Variants in HHAT observed in about 807,000 individuals in gnomAD.
HHAT encodes the protein hedgehog acyltransferase, also known as protein-cysteine N-palmitoyltransferase HHAT.
HHAT carries 47 observed loss-of-function variants against 70.8 expected under a neutral mutation model. The ratio of observed to expected loss-of-function variants is 0.66; its 90% CI spans 0.53 to 0.85. The LOEUF is 0.85. Among genes scored for constraint, HHAT ranks in the 40% least tolerant of loss-of-function variants. The pLI is 0.00. For missense variants in HHAT, 609 were observed against 604.8 expected, an observed-to-expected ratio of 1.01 and a Z score of -0.07; for synonymous variants, 228 against 247.6, an observed-to-expected ratio of 0.92 and a Z score of 0.74.
intron 11 of HHAT, among the ~76,000 whole-genome samples, chr1:210,644,231 C>T (rs990968364): frequency 6.6e-6 from 1 of 152,214 alleles, no homozygotes; most frequent in African/African-American, 2.4e-5. Flanking sequence ...AAGAGTTCAG[C>T]ATTTCTCAAA....
chr1:210,586,876 A>G (rs1426928844), intron 9 of HHAT, among the ~76,000 whole-genome samples: 1 of 152,214 alleles, frequency 6.6e-6, no homozygotes, highest in Non-Finnish European at 1.5e-5. Flanking sequence ...TACTGTCTCT[A>G]CGTACTCAGG....
chr1:210,552,360 CT>C (rs2095534782), intron 9 of HHAT, among the ~76,000 whole-genome samples: 1 of 152,186 alleles, frequency 6.6e-6, no homozygotes, highest in African/African-American at 2.4e-5. Flanking sequence ...GATTTGTGTC[CT>C]TCTGAGATGC....
rs75851117 is a variant in HHAT, at chr1:210,520,909, T to G, written c.1043+7721T>G. ...GAGTTCATCAGAGCCACTACTTTTG[T>G]CCTAAGGAGAATGTCTTGATATCCT... On this transcript the variant is annotated intron_variant, in intron 9 of 11. Transcript: ENST00000261458. Among the ~76,000 whole-genome samples the G allele has an allele frequency of 7.7e-3, 1,175 of 152,338 alleles. 15 individuals are homozygous for G. Among genetic ancestry groups the G allele is most frequent in the African/African-American group, 0.027 (1,114 of 41,578 alleles).
intron 8 of HHAT, among the ~76,000 whole-genome samples, chr1:210,494,768 G>T (rs897296289): frequency 6.6e-6 from 1 of 151,962 alleles, no homozygotes; most frequent in African/African-American, 2.4e-5. Flanking sequence ...GGCCAGGCTG[G>T]TCTCAAACTC....
chr1:210,502,903 C>T (rs1289640610), intron 8 of HHAT, among the ~76,000 whole-genome samples: 1 of 151,840 alleles, frequency 6.6e-6, no homozygotes, highest in East Asian at 1.9e-4. Context: ...TTCTTTCTTG[C>T]TGTCTATATA....
chr1:210,600,245 A>AT (rs1663922640), intron 10 of HHAT, among the ~76,000 whole-genome samples: 1 of 152,210 alleles, frequency 6.6e-6, no homozygotes, highest in African/African-American at 2.4e-5. Flanking sequence ...CTTGACCCTT[A>AT]TCCCAATTCC....
intron 8 of HHAT, among the ~76,000 whole-genome samples, chr1:210,498,001 C>T (rs748239608): frequency 9.2e-5 from 14 of 152,122 alleles, no homozygotes; most frequent in East Asian, 1.9e-4. Context: ...GTGATCCGCC[C>T]GCCTTGGCCT....
intron 2 of HHAT, among the ~76,000 whole-genome samples, chr1:210,357,745 G>A (rs1044020748): frequency 2.6e-5 from 4 of 152,252 alleles, no homozygotes; most frequent in South Asian, 4.1e-4. Flanking sequence ...GCGTGAACCC[G>A]GGAGGTGGAG....
chr1:210,373,293 G>T (rs549622280), intron 3 of HHAT, among the ~76,000 whole-genome samples: 1 of 152,102 alleles, frequency 6.6e-6, no homozygotes, highest in African/African-American at 2.4e-5. Context: ...CTGAAATTTG[G>T]GGGGAGGTAT....
chr1:210,594,863 C>A lies in HHAT; in HGVS notation c.1245+6764C>A, dbSNP rs80058570. On this transcript the variant is annotated intron_variant, in intron 10 of 11. Coordinates refer to ENST00000261458, the MANE Select transcript of HHAT (RefSeq NM_018194.6). ...CCTTCAGCACTTTATGTCTTGCTAC[C>A]CTCCCCTGAACTGTAAGGTTTCCAT... Among the ~76,000 whole-genome samples the A allele has an allele frequency of 6.5e-3, 985 of 152,108 alleles. 7 individuals carry two copies. The highest frequency in any genetic ancestry group is 0.021 in the African/African-American group (880 of 41,492).
chr1:210,461,135 G>A (rs535110036), intron 7 of HHAT, among the ~76,000 whole-genome samples: 1 of 152,288 alleles, frequency 6.6e-6, no homozygotes, highest in East Asian at 1.9e-4. Context: ...CACATAACTT[G>A]CAATCAGAGT....
intron 11 of HHAT, among the ~76,000 whole-genome samples, chr1:210,632,253 A>T (rs1671009688): frequency 6.6e-6 from 1 of 152,250 alleles, no homozygotes; most frequent in Admixed American, 6.5e-5. Flanking sequence ...TAGAAGTGAT[A>T]ATGAAGCAGC....
chr1:210,410,523 A>ATTTTTTTTTTT (rs35608235), intron 6 of HHAT, among the ~76,000 whole-genome samples: 1 of 116,420 alleles, frequency 8.6e-6, no homozygotes, highest in African/African-American at 3.6e-5. Context: ...TTATTTGTAA[A>ATTTTTTTTTTT]TTTTTTTTTT....
chr1:210,383,179 A>C (rs895486665), intron 3 of HHAT, among the ~76,000 whole-genome samples: 2 of 152,150 alleles, frequency 1.3e-5, no homozygotes, highest in African/African-American at 4.8e-5. Flanking sequence ...GTATCTACTA[A>C]AACTACAAAA....
intron 3 of HHAT, among the ~76,000 whole-genome samples, chr1:210,377,026 GCTTT>G (rs2090280868): frequency 6.6e-6 from 1 of 152,218 alleles, no homozygotes; most frequent in African/African-American, 2.4e-5. Context: ...GTACAAATCA[GCTTT>G]CTTGCATATG....
intron 7 of HHAT, among the ~76,000 whole-genome samples, chr1:210,446,966 A>G (rs956960780): frequency 5.3e-5 from 8 of 152,198 alleles, no homozygotes; most frequent in Non-Finnish European, 1.2e-4. Context: ...CCCACTGCCT[A>G]AAACAATAGA....
intron 9 of HHAT, among the ~76,000 whole-genome samples, chr1:210,544,143 G>T (rs188439018): frequency 6.6e-6 from 1 of 152,156 alleles, no homozygotes; most frequent in East Asian, 1.9e-4. Flanking sequence ...TGCACTGCCC[G>T]TGCCCTCTAT....
At chr1:210,358,951 T>C (rs77062497) in intron 2 of HHAT, among the ~76,000 whole-genome samples, 1 of 152,310 alleles carries the variant, frequency 6.6e-6, no homozygotes, top group East Asian at 1.9e-4. Context: ...GTAGGTAGGA[T>C]GGAGCTTTGA....
chr1:210,648,888 T>C (rs1674589429), intron 11 of HHAT, among the ~76,000 whole-genome samples: 1 of 152,256 alleles, frequency 6.6e-6, no homozygotes, highest in African/African-American at 2.4e-5. Flanking sequence ...CATGCCTGCA[T>C]ACAGAAATGT....
Sources: allele counts gnomAD v4.1 joint callset (sites outside exome capture counted in the v4.1 genomes callset), GRCh38; gene constraint gnomAD v4.1.1; transcripts MANE v1.5; gene names NCBI Gene and HGNC (gene_info 2026-07-23, HGNC 2026-07-21).